Variants in LRMDA observed in about 807,000 individuals in gnomAD.
The protein encoded by LRMDA is leucine rich melanocyte differentiation associated.
LRMDA carries 18 observed loss-of-function variants against 29.8 expected under a neutral mutation model. The observed-to-expected ratio is 0.60, with a 90% confidence interval of 0.42 to 0.90. The LOEUF (loss-of-function observed/expected upper bound fraction) is 0.90. Ranked by LOEUF, LRMDA falls within the 40% of genes least tolerant of loss-of-function variation. LRMDA has a pLI of 0.00. For synonymous variants in LRMDA, 125 were observed against 109.4 expected (o/e 1.14, Z -0.89); for missense variants, 273 against 273.9 (o/e 1.00, Z 0.02).
In LRMDA at chr10:75,831,923, G is replaced by C. The variant is rs182539943; in HGVS notation, c.132-204085G>C. Among the ~76,000 whole-genome samples the C allele has an allele frequency of 3.2e-3, 489 of 152,294 alleles. 4 individuals carry two copies. Among genetic ancestry groups the C allele is most frequent in the African/African-American group, 0.011 (473 of 41,550 alleles). On this transcript the variant is annotated intron_variant, in intron 2 of 6. Coordinates refer to ENST00000611255, the MANE Select transcript of LRMDA (RefSeq NM_001305581.2). ...AAGTGGCTGGGATGCAGGGCACCAA[G>C]TCCCTAGACTGCACATGGCATGGGG...
chr10:76,044,831 A>G (rs1848403501), intron 3 of LRMDA, among the ~76,000 whole-genome samples: 1 of 152,242 alleles, frequency 6.6e-6, no homozygotes, highest in Non-Finnish European at 1.5e-5. Flanking sequence ...GGAAGCAGGG[A>G]GGATGTTGGT....
intron 2 of LRMDA, among the ~76,000 whole-genome samples, chr10:75,578,238 AAGC>A (rs1564805423): frequency 6.8e-6 from 1 of 147,940 alleles, no homozygotes; most frequent in Non-Finnish European, 1.5e-5. Context: ...AAAAAAAAAA[AAGC>A]AGCAGTTGCA....
chr10:76,264,169 C>A (rs541939347), intron 5 of LRMDA, among the ~76,000 whole-genome samples: 1 of 152,108 alleles, frequency 6.6e-6, no homozygotes, highest in African/African-American at 2.4e-5. Flanking sequence ...GAGGCCGAGA[C>A]CGGCAGATCA....
At chr10:76,393,095 C>G (rs1052154631) in intron 6 of LRMDA, among the ~76,000 whole-genome samples, 3 of 152,072 alleles carry the variant, frequency 2.0e-5, no homozygotes, top group Non-Finnish European at 2.9e-5. Context: ...TTGATGGAAC[C>G]GTAGACTGAT....
chr10:75,567,202 T>C (rs756163969), intron 2 of LRMDA, among the ~76,000 whole-genome samples: 4 of 152,192 alleles, frequency 2.6e-5, no homozygotes, highest in Non-Finnish European at 5.9e-5. Context: ...CAAAGCACTG[T>C]TTTCTGTTGC....
chr10:76,546,544 A>G lies in LRMDA; in HGVS notation c.602-10665A>G, dbSNP rs16933652. 2.8e-3 allele frequency among the ~76,000 whole-genome samples: 424 copies of G among 152,326 alleles called. 9 individuals carry two copies. In the East Asian group the frequency reaches 0.051, roughly 18 times the overall value. The stretch of plus-strand genomic sequence containing the variant: ...ACATGACTGTTATATTAGGAAAGCT[A>G]AGAAGATGTGTGAGGGCCATTTTAT... On this transcript the variant is annotated intron_variant, in intron 6 of 6. Coordinates refer to ENST00000611255, the MANE Select transcript of LRMDA (RefSeq NM_001305581.2).
intron 6 of LRMDA, among the ~76,000 whole-genome samples, chr10:76,376,197 A>T (rs1841515589): frequency 6.6e-6 from 1 of 152,096 alleles, no homozygotes; most frequent in Non-Finnish European, 1.5e-5. Context: ...TCCATTTTGT[A>T]TATCTATGCG....
intron 6 of LRMDA, among the ~76,000 whole-genome samples, chr10:76,327,891 G>A (rs1279897654): frequency 6.6e-6 from 1 of 152,200 alleles, no homozygotes; most frequent in African/African-American, 2.4e-5. Flanking sequence ...CTAACTTCTA[G>A]ATAGTTGATT....
In LRMDA at chr10:75,861,667, CTA is replaced by C. The variant is rs1304107428; in HGVS notation, c.132-174339_132-174338del. Among the ~76,000 whole-genome samples the C allele has an allele frequency of 5.9e-5, 9 of 152,112 alleles. No individual in the cohort carries two copies. The East Asian group carries it at 1.7e-3, about 29-fold the overall frequency. On this transcript the variant is annotated intron_variant, in intron 2 of 6. Transcript: ENST00000611255. ...AAAAAAGATAGTTTCTTGGGATTTACTATTATAATGGCAACAGTCTTTATCCC... is the reference window on the plus strand; with the variant it reads ...AAAAAAGATAGTTTCTTGGGATTTACTTATAATGGCAACAGTCTTTATCCC...
intron 2 of LRMDA, among the ~76,000 whole-genome samples, chr10:75,817,328 A>ACC (rs1844078359): frequency 6.6e-6 from 1 of 152,174 alleles, no homozygotes; most frequent in Admixed American, 6.5e-5. Context: ...GAGATGGTGA[A>ACC]CTCACCGATG....
intron 2 of LRMDA, among the ~76,000 whole-genome samples, chr10:75,556,695 A>G (rs1840217491): frequency 7.3e-6 from 1 of 136,536 alleles, no homozygotes; most frequent in Non-Finnish European, 1.6e-5. Context: ...CATGTATAGT[A>G]TATATGACAC....
chr10:75,952,329 A>G (rs1399806943), intron 2 of LRMDA, among the ~76,000 whole-genome samples: 1 of 152,220 alleles, frequency 6.6e-6, no homozygotes, highest in Non-Finnish European at 1.5e-5. Flanking sequence ...CAACCATTTA[A>G]TTTGTCAGGA....
At chr10:75,947,410 C>G (rs988366291) in intron 2 of LRMDA, among the ~76,000 whole-genome samples, 1 of 152,176 alleles carries the variant, frequency 6.6e-6, no homozygotes, top group Admixed American at 6.5e-5. Context: ...TCGCAAGCCT[C>G]ACTTCAGGCA....
chr10:75,460,682 C>T (rs1844573838), intron 2 of LRMDA, among the ~76,000 whole-genome samples: 1 of 152,004 alleles, frequency 6.6e-6, no homozygotes, highest in South Asian at 2.1e-4. Flanking sequence ...ACAATTTTTA[C>T]AAAATTGGGA....
At chr10:76,311,976 C>T (rs1257075581) in intron 5 of LRMDA, among the ~76,000 whole-genome samples, 1 of 152,126 alleles carries the variant, frequency 6.6e-6, no homozygotes, top group Non-Finnish European at 1.5e-5. Context: ...GGTGCAGTAA[C>T]CCTCTCTGAC....
At chr10:75,680,626 G>A (rs886528134) in intron 2 of LRMDA, among the ~76,000 whole-genome samples, 2 of 152,010 alleles carry the variant, frequency 1.3e-5, no homozygotes, top group Non-Finnish European at 2.9e-5. Flanking sequence ...AATGAAATAG[G>A]CTATAAAAGA....
intron 2 of LRMDA, among the ~76,000 whole-genome samples, chr10:75,629,060 C>G (rs184677397): frequency 6.4e-4 from 98 of 152,326 alleles, no homozygotes; most frequent in African/African-American, 2.3e-3. Context: ...GTAACCCAAA[C>G]CTGTAAGTGA....
At chr10:75,441,139 G>A (rs1243275042) in intron 2 of LRMDA, among the ~76,000 whole-genome samples, 1 of 152,214 alleles carries the variant, frequency 6.6e-6, no homozygotes. Context: ...AATGAGTGGG[G>A]ATGGAGTGGA....
Position 75,584,628 on chromosome 10 carries a change from C to G in LRMDA, c.131+146134C>G, listed in dbSNP as rs558207102. ...TGGGGTGGTCTCTTGAAGAAGGTAGCATGTGGTTTAGGCTGTGAAGGATTT... is the reference window on the plus strand; with the variant it reads ...TGGGGTGGTCTCTTGAAGAAGGTAGGATGTGGTTTAGGCTGTGAAGGATTT... On this transcript the variant is annotated intron_variant, in intron 2 of 6. Transcript: ENST00000611255. Among the ~76,000 whole-genome samples, 13 of 152,036 alleles carry G rather than the reference C, an allele frequency of 8.6e-5. No homozygotes were observed. The East Asian group carries it at 9.7e-4, about 11-fold the overall frequency.
Sources: allele counts gnomAD v4.1 joint callset (sites outside exome capture counted in the v4.1 genomes callset), GRCh38; gene constraint gnomAD v4.1.1; transcripts MANE v1.5; gene names NCBI Gene and HGNC (gene_info 2026-07-23, HGNC 2026-07-21).